The following STXBP5L variants were observed in gnomAD, a reference collection of about 807,000 sequenced individuals.
STXBP5L encodes the protein syntaxin-binding protein 5-like.
Under a neutral mutation model 144.5 loss-of-function variants are expected in STXBP5L, and 65 were observed. The observed-to-expected ratio is 0.45, with a 90% CI of 0.37 to 0.55. The LOEUF is 0.55. STXBP5L is among the 20% of genes least tolerant of loss of function. The pLI is 0.00. For missense variants in STXBP5L, 1,298 were observed against 1,405.5 expected, an observed-to-expected ratio of 0.92 and a Z score of 1.22; for synonymous variants, 505 against 469.6, an observed-to-expected ratio of 1.08 and a Z score of -0.97.
At chr3:120,985,133 T>A (rs1235870830) in intron 3 of STXBP5L, among the ~76,000 whole-genome samples, 4 of 151,958 alleles carry the variant, frequency 2.6e-5, no homozygotes, top group Admixed American at 2.0e-4. Context: ...TTTCTAGTAG[T>A]GTATTTGTGT....
chr3:121,056,514 C>T (rs1948471516), intron 5 of STXBP5L, among the ~76,000 whole-genome samples: 1 of 152,148 alleles, frequency 6.6e-6, no homozygotes, highest in African/African-American at 2.4e-5. Context: ...CTCTGGCAAA[C>T]TGGATCCATC....
intron 3 of STXBP5L, among the ~76,000 whole-genome samples, chr3:121,023,257 A>G (rs895379316): frequency 7.2e-5 from 11 of 152,206 alleles, no homozygotes; most frequent in African/African-American, 2.2e-4. Context: ...ATGCAAACAA[A>G]TGGACACCCC....
chr3:121,352,270 TG>T (rs1326250918), intron 20 of STXBP5L, among the ~76,000 whole-genome samples: 1 of 152,156 alleles, frequency 6.6e-6, no homozygotes, highest in Non-Finnish European at 1.5e-5. Context: ...TAAATTACCT[TG>T]GGCAGTATGG....
intron 20 of STXBP5L, among the ~76,000 whole-genome samples, chr3:121,348,421 T>G (rs7637526): frequency 0.47 from 72,116 of 151,828 alleles, 17,684 homozygotes; most frequent in East Asian, 0.71. Context: ...AAATTCTCTT[T>G]TTTTGTTGTG....
intron 19 of STXBP5L, among the ~76,000 whole-genome samples, chr3:121,299,625 A>AT (rs906933864): frequency 2.2e-4 from 33 of 152,102 alleles, no homozygotes; most frequent in African/African-American, 7.5e-4. Context: ...TTTGGCTGAA[A>AT]TTTTTTCCAA....
chr3:121,393,629 C>A (rs1171310048), intron 22 of STXBP5L, among the ~76,000 whole-genome samples: 3 of 151,938 alleles, frequency 2.0e-5, no homozygotes, highest in Non-Finnish European at 4.4e-5. Flanking sequence ...GATATGGGTC[C>A]AGTTTTATTC....
chr3:121,153,017 C>A (rs1241386927), intron 8 of STXBP5L, among the ~76,000 whole-genome samples: 3 of 151,990 alleles, frequency 2.0e-5, no homozygotes, highest in Non-Finnish European at 2.9e-5. Flanking sequence ...GTCTTGTCTT[C>A]TAATACTTGC....
chr3:121,083,389 C>T lies in STXBP5L; in HGVS notation c.471-31536C>T, dbSNP rs553820047. 5.9e-5 allele frequency among the ~76,000 whole-genome samples: 9 copies of T among 152,016 alleles called. No homozygotes were observed. In the South Asian group the frequency reaches 1.7e-3, roughly 28 times the overall value. On this transcript the variant is annotated intron_variant, in intron 5 of 26. Coordinates refer to ENST00000471454, the MANE Select transcript of STXBP5L (RefSeq NM_001308330.2). Reference sequence around the variant, plus strand: ...TAAAATTGGTATCAATTGTTGGGTGCAGTGGCTCACGCCTGTAATTCCAAT... The same window carrying T: ...TAAAATTGGTATCAATTGTTGGGTGTAGTGGCTCACGCCTGTAATTCCAAT...
chr3:121,407,982 T>C (rs1461286826), intron 23 of STXBP5L, among the ~76,000 whole-genome samples: 2 of 152,028 alleles, frequency 1.3e-5, no homozygotes, highest in Non-Finnish European at 2.9e-5. Context: ...CTTTTACTTT[T>C]CCTGTGTTTG....
At chr3:121,073,430 G>A (rs1241514428) in intron 5 of STXBP5L, among the ~76,000 whole-genome samples, 1 of 152,190 alleles carries the variant, frequency 6.6e-6, no homozygotes, top group Non-Finnish European at 1.5e-5. Flanking sequence ...GAGCTTGTTA[G>A]CATCTTCCAC....
At chr3:121,226,332 A>C (rs2108298255) in intron 11 of STXBP5L, among the ~76,000 whole-genome samples, 1 of 152,308 alleles carries the variant, frequency 6.6e-6, no homozygotes, top group South Asian at 2.1e-4. Flanking sequence ...GGAGGTGAGG[A>C]TAGAAAAAGA....
chr3:121,330,804 C>T (rs2044298370), intron 20 of STXBP5L, among the ~76,000 whole-genome samples: 1 of 152,214 alleles, frequency 6.6e-6, no homozygotes, highest in African/African-American at 2.4e-5. Context: ...ACGGAGAGAT[C>T]CTGAGTCTGT....
At position 121,091,283 on chromosome 3, in the gene STXBP5L, G is replaced by T. The variant is rs1389460954; in HGVS notation, c.471-23642G>T. On this transcript the variant is annotated intron_variant, in intron 5 of 26. Transcript: ENST00000471454. ...TAGCAGCATGATTTATAGTCCTTTGGGTATATACCCAGTAATGGGATGGCT... is the reference window on the plus strand; with the variant it reads ...TAGCAGCATGATTTATAGTCCTTTGTGTATATACCCAGTAATGGGATGGCT... Among the ~76,000 whole-genome samples, 5 of 147,092 alleles carry T rather than the reference G, an allele frequency of 3.4e-5. No homozygotes were observed. In the South Asian group the frequency reaches 6.5e-4, roughly 19 times the overall value.
At chr3:120,989,036 A>G (rs930000826) in intron 3 of STXBP5L, among the ~76,000 whole-genome samples, 1 of 152,126 alleles carries the variant, frequency 6.6e-6, no homozygotes, top group Non-Finnish European at 1.5e-5. Flanking sequence ...TGGAATATAT[A>G]TACACCACAC....
rs1042564293 is a variant in STXBP5L at position 121,111,287 on chromosome 3, G to A, written c.471-3638G>A. On this transcript the variant is annotated intron_variant, in intron 5 of 26. Coordinates refer to ENST00000471454, the MANE Select transcript of STXBP5L (RefSeq NM_001308330.2). ...CCAGTTCTGTGCCCTTGCCAGAGAGGTGTTGCAATAATTTGGAGGAGGAGA... is the reference window on the plus strand; with the variant it reads ...CCAGTTCTGTGCCCTTGCCAGAGAGATGTTGCAATAATTTGGAGGAGGAGA... 1.2e-4 allele frequency among the ~76,000 whole-genome samples: 18 copies of A among 152,174 alleles called. 1 individual carries two copies.
chr3:120,990,757 TG>T (rs1453463568), intron 3 of STXBP5L, among the ~76,000 whole-genome samples: 3 of 152,194 alleles, frequency 2.0e-5, no homozygotes, highest in Non-Finnish European at 4.4e-5. Flanking sequence ...TAGATGATGC[TG>T]GGAAAACTGG....
chr3:121,415,813 AT>A, intron 24 of STXBP5L, 43 bp from the exon 25 acceptor site: 1 of 1,380,876 alleles, frequency 7.2e-7, no homozygotes, highest in Non-Finnish European at 1.0e-6. Flanking sequence ...ATATTAATTG[AT>A]TTTTTAGTTG....
chr3:121,338,973 A>C (rs9842440), intron 20 of STXBP5L, among the ~76,000 whole-genome samples: 15,104 of 152,128 alleles, frequency 0.099, 1,186 homozygotes, highest in Admixed American at 0.2. Flanking sequence ...CCAGACATTC[A>C]AAGAATTGGC....
chr3:120,941,705 A>G (rs1458638116), intron 2 of STXBP5L, among the ~76,000 whole-genome samples: 2 of 151,748 alleles, frequency 1.3e-5, no homozygotes, highest in Non-Finnish European at 3.0e-5. Flanking sequence ...AAATCATATC[A>G]ATGAACTGGA....
Sources: allele counts gnomAD v4.1 joint callset (sites outside exome capture counted in the v4.1 genomes callset), GRCh38; gene constraint gnomAD v4.1.1; transcripts MANE v1.5; gene names NCBI Gene and HGNC (gene_info 2026-07-23, HGNC 2026-07-21).